Variants in NAIP observed in about 807,000 individuals in gnomAD.
NAIP encodes the protein NLR family apoptosis inhibitory protein.
A neutral mutation model predicts 23.0 loss-of-function variants in NAIP; 15 were observed. The ratio of observed to expected loss-of-function variants is 0.65; its 90% confidence interval spans 0.44 to 1.00. NAIP has a LOEUF of 1.00. Ranked by LOEUF, NAIP falls within the 50% of genes least tolerant of loss-of-function variation. The probability of loss-of-function intolerance (pLI) is 0.00; values close to 1 mark genes in which losing one functional copy is unlikely to be tolerated. For synonymous variants in NAIP, 100 were observed against 100.2 expected, an observed-to-expected ratio of 1.00 and a Z score of 0.01; for missense variants, 265 against 278.8, an observed-to-expected ratio of 0.95 and a Z score of 0.35.
intron 5 of NAIP, among the ~76,000 whole-genome samples, chr5:71,009,304 T>C (rs1751031011): frequency 7.0e-6 from 1 of 142,554 alleles, no homozygotes; most frequent in Non-Finnish European, 1.5e-5. Context: ...TGAGCTGAGA[T>C]TGCACCACTA....
At position 71,009,922 on chromosome 5, in the gene NAIP, A is replaced by T. The variant is rs557173289; in HGVS notation, c.668+1353T>A. Among the ~76,000 whole-genome samples the T allele has an allele frequency of 1.8e-4, 27 of 151,622 alleles. No homozygotes were observed. The South Asian group carries it at 5.6e-3, about 31-fold the overall frequency. ...ATAGCATTAAAAATAATTAAAATGT[A>T]CTTCCTTTTCTAAGCCAGGAACTAA... is the stretch of plus-strand genomic sequence containing the variant. On this transcript the variant is annotated intron_variant, in intron 5 of 16. Coordinates refer to ENST00000517649, the MANE Select transcript of NAIP (RefSeq NM_004536.3).
intron 6 of NAIP, among the ~76,000 whole-genome samples, chr5:71,002,425 T>C (rs1468766967): frequency 8.3e-6 from 1 of 120,758 alleles, no homozygotes; most frequent in African/African-American, 3.7e-5. Context: ...TTTTTTTTTT[T>C]TGAGACAGAG....
chr5:71,013,495 C>T (rs968651144), intron 3 of NAIP, among the ~76,000 whole-genome samples: 2 of 150,668 alleles, frequency 1.3e-5, no homozygotes, highest in East Asian at 1.9e-4. Context: ...AAAAAATTAG[C>T]CGGGCGTGGT....
At chr5:71,009,331 C>T (rs1751032571) in intron 5 of NAIP, among the ~76,000 whole-genome samples, 1 of 137,242 alleles carries the variant, frequency 7.3e-6, no homozygotes, top group African/African-American at 2.7e-5. Context: ...AGTCTGGGCT[C>T]CAGTCTGGGC....
At chr5:71,015,248 A>C (rs1369726717) in intron 3 of NAIP, among the ~76,000 whole-genome samples, 1 of 151,344 alleles carries the variant, frequency 6.6e-6, no homozygotes, top group African/African-American at 2.4e-5. Context: ...ATGTGTTGGC[A>C]CATGCCTGTA....
chr5:71,014,598 TC>T, intron 3 of NAIP, among the ~76,000 whole-genome samples: 1 of 151,812 alleles, frequency 6.6e-6, no homozygotes, highest in African/African-American at 2.4e-5. Context: ...ATTATTATCA[TC>T]AATATAATAA....
intron 5 of NAIP, among the ~76,000 whole-genome samples, chr5:71,010,438 T>G (rs1751096314): frequency 6.6e-6 from 1 of 151,484 alleles, no homozygotes; most frequent in African/African-American, 2.4e-5. Context: ...CCGGCTAATT[T>G]TTTGTATTTT....
rs1751222902 is a variant in NAIP, at chr5:71,012,754, G to A, written c.162C>T (p.Asn54=). 1 of 1,611,820 alleles carries A rather than the reference G, an allele frequency of 6.2e-7. No homozygotes were observed. Among genetic ancestry groups the A allele is most frequent in the Non-Finnish European group, 8.5e-7 (1 of 1,178,480 alleles). Residue 54 remains asparagine (N), a synonymous_variant, in exon 4 of 17, where the codon AAC becomes AAT. Transcript: ENST00000517649. ...KERAKMQKGY[N]SQMRSEAKRL... is the part of the protein sequence containing the mutation. ...TTTTTGCTTCACTGCGCATTTGAGA[G>A]TTGTAGCCTTTCTGCATTTTTGCTC...
rs535153129 is a variant in NAIP at position 71,008,260 on chromosome 5, G to A, written c.668+3015C>T. Among the ~76,000 whole-genome samples, 75 of 143,124 alleles carry A rather than the reference G, an allele frequency of 5.2e-4. 2 individuals are homozygous for A. The highest frequency in any genetic ancestry group is 1.5e-3 in the African/African-American group (57 of 38,942). 93.9% of individuals were successfully genotyped at this position (143,124 alleles called of 152,430 possible). A position where few individuals can be genotyped will look rare whatever the true frequency, so the allele number is the denominator to read the frequency against. ...AATTTTTGTATTTTTAATAGAGACAGGGTTTTACCATGTTAGCCAGGCTGG... is the reference window on the plus strand; with the variant it reads ...AATTTTTGTATTTTTAATAGAGACAAGGTTTTACCATGTTAGCCAGGCTGG... On this transcript the variant is annotated intron_variant, in intron 5 of 16. Transcript: ENST00000517649.
intron 3 of NAIP, among the ~76,000 whole-genome samples, chr5:71,014,494 A>G (rs1482250644): frequency 6.6e-6 from 1 of 151,618 alleles, no homozygotes; most frequent in Non-Finnish European, 1.5e-5. Context: ...TAAGCCTTGC[A>G]TTTTAGCCAG....
chr5:71,012,323 A>G lies in NAIP; in HGVS notation c.568+25T>C, dbSNP rs371300928. ...CCTAAACTTAAAACGCCAGAGAAAC[A>G]CTTCAGAGAATAATTTCAAGGTACC... On this transcript the variant is annotated intron_variant, in intron 4 of 16. Transcript: ENST00000517649. 10 of 1,543,176 alleles carry G rather than the reference A, an allele frequency of 6.5e-6. No homozygotes were observed. The African/African-American group carries it at 1.4e-4, about 21-fold the overall frequency.
At chr5:71,008,855 A>G (rs963787012) in intron 5 of NAIP, among the ~76,000 whole-genome samples, 4 of 135,646 alleles carry the variant, frequency 2.9e-5, no homozygotes, top group Non-Finnish European at 4.6e-5. Flanking sequence ...GAGCCTGACC[A>G]AACTGCTAGA....
chr5:71,016,237 G>A (rs1751441438), intron 3 of NAIP, among the ~76,000 whole-genome samples: 1 of 148,514 alleles, frequency 6.7e-6, no homozygotes, highest in African/African-American at 2.5e-5. Context: ...GAAGCTGCGG[G>A]GAGCTATGAT....
intron 3 of NAIP, among the ~76,000 whole-genome samples, chr5:71,013,198 T>C (rs1055868290): frequency 2.6e-5 from 4 of 151,524 alleles, no homozygotes; most frequent in Admixed American, 6.6e-5. Flanking sequence ...TTTCCAGATA[T>C]CAGTTATGGA....
intron 12 of NAIP, among the ~76,000 whole-genome samples, chr5:70,980,554 C>CAA (rs1300023151): frequency 5.3e-4 from 4 of 7,600 alleles, no homozygotes; most frequent in Admixed American, 3.2e-3. Context: ...GACTCCGTCT[C>CAA]AAAAAAAAAA....
chr5:71,016,103 AC>A (rs1248903670), intron 3 of NAIP, among the ~76,000 whole-genome samples: 1 of 149,910 alleles, frequency 6.7e-6, no homozygotes, highest in Non-Finnish European at 1.5e-5. Context: ...ACATAGCTAG[AC>A]CCTGTCTCTA....
chr5:71,008,213 G>A (rs1283015610), intron 5 of NAIP, among the ~76,000 whole-genome samples: 1 of 149,858 alleles, frequency 6.7e-6, no homozygotes, highest in African/African-American at 2.5e-5. Flanking sequence ...GGGGTTACAG[G>A]TGCCTGCCAC....
At chr5:70,999,526 C>T (rs1750737574) in intron 8 of NAIP, among the ~76,000 whole-genome samples, 1 of 33,686 alleles carries the variant, frequency 3.0e-5, no homozygotes, top group Non-Finnish European at 4.4e-5. Flanking sequence ...AATTAGTATT[C>T]GTTTAATGAA....
chr5:71,017,880 G>T (rs1751517199), intron 3 of NAIP, among the ~76,000 whole-genome samples: 1 of 131,632 alleles, frequency 7.6e-6, no homozygotes, highest in Admixed American at 7.5e-5. Flanking sequence ...GGAGACAAGG[G>T]CTCACTCTGT....
Sources: allele counts gnomAD v4.1 joint callset (sites outside exome capture counted in the v4.1 genomes callset), GRCh38; gene constraint gnomAD v4.1.1; transcripts MANE v1.5; gene names NCBI Gene and HGNC (gene_info 2026-07-23, HGNC 2026-07-21).